Variants in CUL4A observed in about 807,000 individuals in gnomAD.
CUL4A encodes the protein cullin-4A.
In CUL4A, 16 loss-of-function variants were observed where a neutral mutation model predicts 95.5. The ratio of observed to expected loss-of-function variants is 0.17; its 90% CI spans 0.11 to 0.25. CUL4A has a LOEUF of 0.25. Among genes scored for constraint, CUL4A ranks in the 10% least tolerant of loss-of-function variants. The pLI is 1.00. For missense variants in CUL4A, 610 were observed against 937.0 expected, an observed-to-expected ratio of 0.65 and a Z score of 4.56; for synonymous variants, 380 against 353.1, an observed-to-expected ratio of 1.08 and a Z score of -0.85.
Position 113,244,476 on chromosome 13 carries a change from C to T in CUL4A, c.1295C>T (p.Thr432Met), listed in dbSNP as rs752132240. ...GCCACAGACGAGGAGCTGGAGCGGA[C>T]GTTGGACAAGATCATGATCCTGTTC... ...KEATDEELER[T>M]LDKIMILFRF... The change falls in exon 12 of 20, where the codon ACG (threonine) becomes ATG (methionine). Residue 432 changes from threonine (T) to methionine (M), a missense_variant. Transcript: ENST00000375440. 2.4e-5 allele frequency: 38 copies of T among 1,613,390 alleles called. No individual in the cohort carries two copies. The Admixed American group carries it at 2.7e-4, about 11-fold the overall frequency.
At chr13:113,239,391 C>T (rs2041640185) in intron 9 of CUL4A, 42 bp from the exon 10 acceptor site, 1 of 1,507,518 alleles carries the variant, frequency 6.6e-7, no homozygotes, top group African/African-American at 1.4e-5. Flanking sequence ...GTTGTTAATG[C>T]TGCCCATGCT....
chr13:113,223,090 G>A (rs1233042264), intron 3 of CUL4A, among the ~76,000 whole-genome samples: 1 of 152,162 alleles, frequency 6.6e-6, no homozygotes. Flanking sequence ...TGTGATGAAG[G>A]CTTTTAGGCT....
intron 2 of CUL4A, among the ~76,000 whole-genome samples, chr13:113,212,683 G>A (rs1176073026): frequency 1.3e-5 from 2 of 152,170 alleles, no homozygotes; most frequent in African/African-American, 4.8e-5. Flanking sequence ...TACTTGGGAG[G>A]CTGAGGCCGG....
chr13:113,242,562 G>A lies in CUL4A; in HGVS notation c.1036-406G>A, dbSNP rs188146277. ...CCCAGCACTTTGGGAAATCACAGTG[G>A]GAGGATTGCTTGAGGCCAGGAGTTC... On this transcript the variant is annotated intron_variant, in intron 10 of 19. Coordinates refer to ENST00000375440, the MANE Select transcript of CUL4A (RefSeq NM_001008895.4). 2.4e-3 allele frequency among the ~76,000 whole-genome samples: 363 copies of A among 152,246 alleles called. 9 individuals are homozygous for A. Among genetic ancestry groups the A allele is most frequent in the Admixed American group, 0.02 (310 of 15,290 alleles).
intron 10 of CUL4A, among the ~76,000 whole-genome samples, chr13:113,241,511 CTTTTT>C (rs10645246): frequency 8.3e-6 from 1 of 120,094 alleles, no homozygotes; most frequent in Admixed American, 9.7e-5. Flanking sequence ...CTGTTGGCAT[CTTTTT>C]TTTTTTTTTT....
intron 18 of CUL4A, among the ~76,000 whole-genome samples, chr13:113,260,393 T>C (rs1418317860): frequency 6.6e-6 from 1 of 150,486 alleles, no homozygotes; most frequent in Non-Finnish European, 1.5e-5. Context: ...TGTACAAAAA[T>C]ACAAAAAGTA....
intron 3 of CUL4A, among the ~76,000 whole-genome samples, chr13:113,225,701 G>A (rs1052608278): frequency 6.6e-6 from 1 of 152,236 alleles, no homozygotes; most frequent in African/African-American, 2.4e-5. Flanking sequence ...GGAGGTCCAG[G>A]CCGCAGTTCC....
At chr13:113,236,602 G>A (rs2041553031) in intron 8 of CUL4A, among the ~76,000 whole-genome samples, 1 of 152,202 alleles carries the variant, frequency 6.6e-6, no homozygotes, top group African/African-American at 2.4e-5. Flanking sequence ...CCGCCCGTGG[G>A]CCTGCTTGTG....
chr13:113,236,978 T>C (rs1168685807), intron 9 of CUL4A, 88 bp downstream of exon 9: 1 of 835,542 alleles, frequency 1.2e-6, no homozygotes. Flanking sequence ...AATAGCAGTG[T>C]TAGGACGTTT....
chr13:113,211,607 A>G (rs1158914730), intron 2 of CUL4A, among the ~76,000 whole-genome samples: 2 of 151,048 alleles, frequency 1.3e-5, no homozygotes, highest in African/African-American at 4.9e-5. Flanking sequence ...CTGGTCTCAA[A>G]CTCCTGACCT....
At chr13:113,261,801 G>C (rs1218412102) in intron 19 of CUL4A, among the ~76,000 whole-genome samples, 2 of 151,374 alleles carry the variant, frequency 1.3e-5, no homozygotes, top group Non-Finnish European at 2.9e-5. Flanking sequence ...TTTTTTCTTT[G>C]AGATGGAGTC....
intron 9 of CUL4A, among the ~76,000 whole-genome samples, chr13:113,238,883 A>G (rs769681566): frequency 7.2e-5 from 11 of 152,232 alleles, no homozygotes; most frequent in Non-Finnish European, 1.5e-4. Context: ...TAGAAAATCT[A>G]TGAGAGTTTT....
chr13:113,260,034 T>C (rs2139305446), intron 18 of CUL4A, among the ~76,000 whole-genome samples: 3 of 147,498 alleles, frequency 2.0e-5, no homozygotes, highest in East Asian at 2.0e-4. Context: ...TGAAACCCTG[T>C]CTCTACTAAA....
At chr13:113,217,499 C>T (rs1213981387) in intron 2 of CUL4A, among the ~76,000 whole-genome samples, 1 of 152,014 alleles carries the variant, frequency 6.6e-6, no homozygotes, top group Non-Finnish European at 1.5e-5. Context: ...ATAATTATTC[C>T]ACATCCTCTT....
rs1251807103 is a variant in CUL4A, at chr13:113,264,884, CTT to C, written c.*1304_*1305del. The C allele has an allele frequency of 6.6e-6, 1 of 152,162 alleles. No individual in the cohort carries two copies. The highest frequency in any genetic ancestry group is 2.4e-5 in the African/African-American group (1 of 41,414). 9.4% of individuals were successfully genotyped at this position (152,162 alleles called of 1,614,324 possible). A position where few individuals can be genotyped will look rare whatever the true frequency, so the allele number is the denominator to read the frequency against. On this transcript the variant is annotated 3_prime_UTR_variant, in exon 20 of 20. Transcript: ENST00000375440. ...CTCACTCTTTAATTGTCATTTCTAT[CTT>C]TGAAAATTTTCATTTATGAGTTCCA...
chr13:113,223,648 C>T (rs770974387), intron 3 of CUL4A, among the ~76,000 whole-genome samples: 7 of 152,312 alleles, frequency 4.6e-5, no homozygotes, highest in East Asian at 1.9e-4. Flanking sequence ...CTGCCTGCTT[C>T]GACCTCCCAA....
intron 15 of CUL4A, among the ~76,000 whole-genome samples, chr13:113,248,876 C>T (rs1384157570): frequency 6.6e-6 from 1 of 152,188 alleles, no homozygotes; most frequent in Non-Finnish European, 1.5e-5. Flanking sequence ...AAACTTAGTG[C>T]ATGTTCAGTA....
intron 5 of CUL4A, among the ~76,000 whole-genome samples, chr13:113,232,918 A>T (rs2041407989): frequency 6.6e-6 from 1 of 152,116 alleles, no homozygotes; most frequent in Non-Finnish European, 1.5e-5. Flanking sequence ...CTTGTGTGAT[A>T]CCAGTTTTAC....
chr13:113,235,050 T>G lies in CUL4A; in HGVS notation c.766-13T>G, dbSNP rs1252669133. On this transcript the variant is annotated splice_polypyrimidine_tract_variant and intron_variant, in intron 7 of 19. Transcript: ENST00000375440. ...TTTTTGTTACTGATACATTTAATTGTTTTGTTTGTAAGGTTCCAGAATATC... is the reference window on the plus strand; with the variant it reads ...TTTTTGTTACTGATACATTTAATTGGTTTGTTTGTAAGGTTCCAGAATATC... 6.4e-7 allele frequency: 1 copy of G among 1,573,948 alleles called. No individual in the cohort carries two copies.
Sources: gnomAD v4.1 joint callset for allele counts (sites outside exome capture counted in the v4.1 genomes callset) on GRCh38, gnomAD v4.1.1 for gene constraint, MANE v1.5 for transcripts, NCBI Gene and HGNC (gene_info 2026-07-23, HGNC 2026-07-21) for gene names.